The following SGCZ variants were observed in gnomAD, a reference collection of about 807,000 sequenced individuals.
SGCZ encodes the protein sarcoglycan zeta, also known as zeta-sarcoglycan.
SGCZ carries 40 observed loss-of-function variants against 41.3 expected under a neutral mutation model. That is an observed-to-expected ratio of 0.97 (90% CI 0.75 to 1.26). SGCZ has a LOEUF of 1.26. SGCZ is among the 50% of genes most tolerant of loss of function. The pLI is 0.00. For synonymous variants in SGCZ, 206 were observed against 137.5 expected (o/e 1.50, Z -3.49); for missense variants, 552 against 369.8 (o/e 1.49, Z -4.04).
At position 14,137,334 on chromosome 8, in the gene SGCZ, A is replaced by G. The variant is rs186914280; in HGVS notation, c.547+27246T>C. Among the ~76,000 whole-genome samples, 974 of 152,346 alleles carry G rather than the reference A, an allele frequency of 6.4e-3. 7 individuals carry two copies. The highest frequency in any genetic ancestry group is 0.022 in the African/African-American group (925 of 41,588). On this transcript the variant is annotated intron_variant, in intron 5 of 7. Coordinates refer to ENST00000382080, the MANE Select transcript of SGCZ (RefSeq NM_139167.4). ...AAGATGGGCGGAGAATGACTTTGTC[A>G]AGTTGACAGAAGTAGGCTTCAGAAG...
At chr8:15,194,573 A>G (rs1411315189) in intron 1 of SGCZ, among the ~76,000 whole-genome samples, 1 of 152,122 alleles carries the variant, frequency 6.6e-6, no homozygotes, top group African/African-American at 2.4e-5. Context: ...TGGAATCACG[A>G]GGGTTCTAAT....
In SGCZ at chr8:14,324,148, A is replaced by G. The variant is rs1426290816; in HGVS notation, c.291T>C (p.Ser97=). Residue 97 remains serine, a synonymous_variant, in exon 3 of 8, where the codon TCT becomes TCC. Coordinates refer to ENST00000382080, the MANE Select transcript of SGCZ (RefSeq NM_139167.4). ...TKKGIRLEGI[S]EFLLPLYVKE... is the part of the protein sequence containing the mutation. ...TCACATACAATGGAAGTAGAAACTCAGATATACCTTCAAGTCGGATTCCCT... is the reference window on the plus strand; with the variant it reads ...TCACATACAATGGAAGTAGAAACTCGGATATACCTTCAAGTCGGATTCCCT... The G allele has an allele frequency of 6.2e-7, 1 of 1,613,168 alleles. No homozygotes were observed. The highest frequency in any genetic ancestry group is 8.5e-7 in the Non-Finnish European group (1 of 1,179,538).
At chr8:14,741,214 A>C (rs1299739882) in intron 1 of SGCZ, among the ~76,000 whole-genome samples, 1 of 151,980 alleles carries the variant, frequency 6.6e-6, no homozygotes, top group African/African-American at 2.4e-5. Context: ...TCCTTATCCT[A>C]TCTCCTGCCC....
intron 5 of SGCZ, among the ~76,000 whole-genome samples, chr8:14,152,886 T>A (rs142755054): frequency 6.6e-6 from 1 of 152,230 alleles, no homozygotes; most frequent in East Asian, 1.9e-4. Flanking sequence ...CTTGGATGAA[T>A]CTCCAGGAAA....
intron 1 of SGCZ, among the ~76,000 whole-genome samples, chr8:14,574,085 T>C (rs1232578966): frequency 6.6e-6 from 1 of 152,188 alleles, no homozygotes; most frequent in African/African-American, 2.4e-5. Context: ...ATAGATGCTC[T>C]AGGAATGTGA....
intron 4 of SGCZ, among the ~76,000 whole-genome samples, chr8:14,170,187 C>T (rs753393266): frequency 2.0e-5 from 3 of 151,400 alleles, no homozygotes; most frequent in South Asian, 2.1e-4. Flanking sequence ...CATCTCCCCC[C>T]GCACCGAATC....
At chr8:15,037,101 T>C (rs538750157) in intron 1 of SGCZ, among the ~76,000 whole-genome samples, 1 of 152,220 alleles carries the variant, frequency 6.6e-6, no homozygotes, top group African/African-American at 2.4e-5. Flanking sequence ...CTGAGCACGA[T>C]AAAGGCTATA....
At chr8:14,214,192 A>G (rs1237534338) in intron 4 of SGCZ, among the ~76,000 whole-genome samples, 3 of 152,148 alleles carry the variant, frequency 2.0e-5, no homozygotes, top group African/African-American at 7.2e-5. Flanking sequence ...CTTCAGTGTA[A>G]TTATCAGAAA....
intron 1 of SGCZ, among the ~76,000 whole-genome samples, chr8:14,965,352 T>C (rs1416890151): frequency 3.9e-5 from 6 of 152,110 alleles, no homozygotes; most frequent in Admixed American, 2.6e-4. Context: ...CCATTTTTGA[T>C]TGGGATTTGA....
chr8:14,262,003 T>C (rs1419344820), intron 3 of SGCZ, among the ~76,000 whole-genome samples: 3 of 152,150 alleles, frequency 2.0e-5, no homozygotes, highest in Non-Finnish European at 4.4e-5. Context: ...ACTCCTACTC[T>C]AAGCAATTTA....
intron 1 of SGCZ, among the ~76,000 whole-genome samples, chr8:15,012,624 T>C (rs1489291262): frequency 9.4e-6 from 1 of 106,318 alleles, no homozygotes; most frequent in Non-Finnish European, 2.0e-5. Flanking sequence ...TATGTTTATA[T>C]AATATATAAA....
intron 2 of SGCZ, among the ~76,000 whole-genome samples, chr8:14,327,007 T>C (rs557929584): frequency 6.6e-6 from 1 of 152,230 alleles, no homozygotes; most frequent in East Asian, 1.9e-4. Flanking sequence ...AAAATAGATG[T>C]TTTCAAATGA....
At chr8:14,737,469 A>G (rs917279654) in intron 1 of SGCZ, among the ~76,000 whole-genome samples, 3 of 152,048 alleles carry the variant, frequency 2.0e-5, no homozygotes, top group Admixed American at 2.0e-4. Context: ...TCAACAGCTA[A>G]CATTCACTTC....
intron 1 of SGCZ, among the ~76,000 whole-genome samples, chr8:14,594,621 T>C (rs1805348967): frequency 6.6e-6 from 1 of 151,928 alleles, no homozygotes; most frequent in Non-Finnish European, 1.5e-5. Context: ...TGGATAGTTT[T>C]CTCCTAATTG....
chr8:14,427,488 G>C (rs978990464), intron 2 of SGCZ, among the ~76,000 whole-genome samples: 8 of 151,932 alleles, frequency 5.3e-5, no homozygotes, highest in African/African-American at 1.7e-4. Context: ...GTATATTTTA[G>C]GGGGGTTCCC....
chr8:15,018,764 TAAAG>T (rs1461219280), intron 1 of SGCZ, among the ~76,000 whole-genome samples: 1 of 152,214 alleles, frequency 6.6e-6, no homozygotes, highest in Non-Finnish European at 1.5e-5. Context: ...CACACTGCTA[TAAAG>T]AAATACCTGA....
chr8:14,787,099 T>C (rs938489114), intron 1 of SGCZ, among the ~76,000 whole-genome samples: 2 of 152,138 alleles, frequency 1.3e-5, no homozygotes, highest in Non-Finnish European at 2.9e-5. Context: ...ACAGCTCACC[T>C]AATTTTATGT....
chr8:15,134,304 C>CTTTTTTTTTTTT (rs59649473), intron 1 of SGCZ, among the ~76,000 whole-genome samples: 1 of 145,698 alleles, frequency 6.9e-6, no homozygotes, highest in Non-Finnish European at 1.5e-5. Flanking sequence ...AGCATTAGGT[C>CTTTTTTTTTTTT]TTTTTTTTTT....
intron 1 of SGCZ, among the ~76,000 whole-genome samples, chr8:14,687,954 A>G (rs1481809547): frequency 3.3e-5 from 5 of 152,162 alleles, no homozygotes; most frequent in Non-Finnish European, 7.4e-5. Flanking sequence ...TGTAATGGTG[A>G]GCATTTTTTC....
Sources: gnomAD v4.1 joint callset for allele counts (sites outside exome capture counted in the v4.1 genomes callset) on GRCh38, gnomAD v4.1.1 for gene constraint, MANE v1.5 for transcripts, NCBI Gene and HGNC (gene_info 2026-07-23, HGNC 2026-07-21) for gene names.